Variants in KIF26B observed in about 807,000 individuals in gnomAD.
KIF26B encodes kinesin-like protein KIF26B.
KIF26B carries 63 observed loss-of-function variants against 151.2 expected under a neutral mutation model. That is an observed-to-expected ratio of 0.42 (90% confidence interval 0.34 to 0.51). The LOEUF is 0.51. KIF26B is among the 20% of genes least tolerant of loss of function. The pLI is 0.07. For synonymous variants in KIF26B, 1,357 were observed against 1,262.1 expected (o/e 1.08, Z -1.59); for missense variants, 2,813 against 2,913.6 (o/e 0.97, Z 0.79).
At chr1:245,571,001 G>T (rs2103122900) in intron 5 of KIF26B, among the ~76,000 whole-genome samples, 1 of 152,296 alleles carries the variant, frequency 6.6e-6, no homozygotes, top group African/African-American at 2.4e-5. Context: ...CAGCGAGAAT[G>T]ATAATAGTAT....
intron 4 of KIF26B, among the ~76,000 whole-genome samples, chr1:245,505,192 C>G (rs969366886): frequency 1.3e-5 from 2 of 151,728 alleles, no homozygotes; most frequent in African/African-American, 4.8e-5. Context: ...CCTGCCTTGG[C>G]CTCCAAAAGT....
In KIF26B at chr1:245,261,522, T is replaced by C. The variant is rs1413170747; in HGVS notation, c.465+104839T>C. On this transcript the variant is annotated intron_variant, in intron 2 of 14. Coordinates refer to ENST00000407071, the MANE Select transcript of KIF26B (RefSeq NM_018012.4). ...CTCTCTCCCTCCCTCCCTCCCTCCC[T>C]CTCTCTCCCTCTCTCCCCCTCTCTC... is the stretch of plus-strand genomic sequence containing the variant. Among the ~76,000 whole-genome samples, 6 of 126,292 alleles carry C rather than the reference T, an allele frequency of 4.8e-5. No individual in the cohort carries two copies. In the East Asian group the frequency reaches 1.1e-3, roughly 24 times the overall value. The allele number at this position is 126,292 out of a possible 152,430, so 82.9% of individuals were successfully genotyped here.
rs138414371 is a variant in KIF26B at position 245,244,544 on chromosome 1, G to A, written c.465+87861G>A. ...ATTGTACTTAGTCGAGTTCTAGAGG[G>A]AGCCAGGCCCAGAAAATGAGGGGGA... On this transcript the variant is annotated intron_variant, in intron 2 of 14. Transcript: ENST00000407071. This position sits in a 1 kb window ranked among gnomAD's most constrained non-coding sequence, Gnocchi z 4.2. Among the ~76,000 whole-genome samples the A allele has an allele frequency of 4.6e-3, 702 of 152,130 alleles. 5 individuals are homozygous for A. The highest frequency in any genetic ancestry group is 0.014 in the Middle Eastern group (4 of 294).
At chr1:245,223,632 C>T (rs1011630464) in intron 2 of KIF26B, among the ~76,000 whole-genome samples, 13 of 152,176 alleles carry the variant, frequency 8.5e-5, no homozygotes, top group Admixed American at 2.6e-4. Context: ...GGAATAACAA[C>T]AGATGCACGC....
chr1:245,430,646 G>A (rs768833560), intron 4 of KIF26B, among the ~76,000 whole-genome samples: 6 of 151,558 alleles, frequency 4.0e-5, no homozygotes, highest in African/African-American at 7.3e-5. Flanking sequence ...CAGCCTAGGC[G>A]ACAAGAGTGA....
chr1:245,189,589 T>C (rs1669060004), intron 2 of KIF26B, among the ~76,000 whole-genome samples: 1 of 152,188 alleles, frequency 6.6e-6, no homozygotes, highest in Non-Finnish European at 1.5e-5. Flanking sequence ...AGATGTCCGC[T>C]GAGAGTTTTC....
At chr1:245,322,398 A>G (rs1671907716) in intron 2 of KIF26B, among the ~76,000 whole-genome samples, 1 of 152,184 alleles carries the variant, frequency 6.6e-6, no homozygotes, top group African/African-American at 2.4e-5. Context: ...TAAATAAATA[A>G]ATAAAAATCA....
intron 3 of KIF26B, among the ~76,000 whole-genome samples, chr1:245,400,521 T>C (rs1673973650): frequency 6.9e-6 from 1 of 145,228 alleles, no homozygotes; most frequent in South Asian, 2.3e-4. Context: ...TTACCTTGGC[T>C]ACTTGAGGAT....
At chr1:245,676,813 A>G (rs2044362108) in intron 10 of KIF26B, among the ~76,000 whole-genome samples, 1 of 152,194 alleles carries the variant, frequency 6.6e-6, no homozygotes, top group African/African-American at 2.4e-5. Flanking sequence ...ATGAATGCTC[A>G]TCACACGTCT....
rs1205375851 is a variant in KIF26B at position 245,156,580 on chromosome 1, C to G, written c.362C>G (p.Pro121Arg). The change falls in exon 2 of 15, where the codon CCC becomes CGC. Residue 121 changes from proline to arginine, a missense_variant. Transcript: ENST00000407071. ...PGSGSGGGSS[P>R]GSDRGVWCEN... ...TCCGGCAGCGGCGGCGGCTCCTCCCCCGGCTCGGACCGCGGCGTCTGGTGC... is the reference window on the plus strand; with the variant it reads ...TCCGGCAGCGGCGGCGGCTCCTCCCGCGGCTCGGACCGCGGCGTCTGGTGC... 6.5e-7 allele frequency: 1 copy of G among 1,528,210 alleles called. No individual in the cohort carries two copies. The highest frequency in any genetic ancestry group is 1.4e-5 in the African/African-American group (1 of 71,410). The allele number at this position is 1,528,210 out of a possible 1,614,324, so 94.7% of individuals were successfully genotyped here.
At position 245,602,500 on chromosome 1, in the gene KIF26B, G is replaced by A. The variant is rs1209822652; in HGVS notation, c.1351-77G>A. On this transcript the variant is annotated intron_variant, in intron 5 of 14. Coordinates refer to ENST00000407071, the MANE Select transcript of KIF26B (RefSeq NM_018012.4). The surrounding 1 kb of genome is among the most constrained non-coding windows in gnomAD (Gnocchi z 4.5). ...CAGTGCTGCCATGTGCATGTATATCGCAGAGTATACAAGGGTGCTCCATCG... is the reference window on the plus strand; with the variant it reads ...CAGTGCTGCCATGTGCATGTATATCACAGAGTATACAAGGGTGCTCCATCG... The A allele has an allele frequency of 1.9e-5, 22 of 1,133,288 alleles. No individual in the cohort carries two copies. Among genetic ancestry groups the A allele is most frequent in the South Asian group, 2.6e-5 (2 of 75,612 alleles). 70.2% of individuals were successfully genotyped at this position (1,133,288 alleles called of 1,614,324 possible).
intron 2 of KIF26B, among the ~76,000 whole-genome samples, chr1:245,205,977 A>G (rs970378009): frequency 4.6e-5 from 7 of 151,848 alleles, no homozygotes; most frequent in East Asian, 3.9e-4. Context: ...GCCTCAAGCA[A>G]TCCTCCCACC....
chr1:245,404,020 G>T (rs931362935), intron 3 of KIF26B, among the ~76,000 whole-genome samples: 1 of 152,050 alleles, frequency 6.6e-6, no homozygotes, highest in African/African-American at 2.4e-5. Context: ...AGAAGCTGAC[G>T]GTTTTGTACC....
intron 2 of KIF26B, among the ~76,000 whole-genome samples, chr1:245,300,845 T>A (rs1185282466): frequency 6.7e-6 from 1 of 149,156 alleles, no homozygotes; most frequent in Non-Finnish European, 1.5e-5. Flanking sequence ...TTAATTTTTT[T>A]ATTGAAATGG....
chr1:245,677,603 GC>G (rs2044371961), intron 10 of KIF26B, among the ~76,000 whole-genome samples: 1 of 152,248 alleles, frequency 6.6e-6, no homozygotes, highest in Non-Finnish European at 1.5e-5. Flanking sequence ...AGTAATTCAT[GC>G]CCTAAGGCAT....
chr1:245,230,132 A>AAAAAC (rs10669398), intron 2 of KIF26B, among the ~76,000 whole-genome samples: 138,302 of 142,750 alleles, frequency 0.97, 67,032 homozygotes, highest in East Asian at 1. Flanking sequence ...GACTCCATCT[A>AAAAAC]AAAACAAAAC....
chr1:245,214,057 T>C (rs1449047155), intron 2 of KIF26B: 1 of 152,146 alleles, frequency 6.6e-6, no homozygotes, highest in East Asian at 1.9e-4. Context: ...GTTTATAATT[T>C]GGTGAAAACC....
intron 2 of KIF26B, chr1:245,234,330 C>G (rs182667845): frequency 6.6e-6 from 1 of 152,316 alleles, no homozygotes; most frequent in African/African-American, 2.4e-5. Context: ...GCCCCCCTGC[C>G]GGGCTGGGTG....
At chr1:245,391,139 A>G (rs1157142929) in intron 3 of KIF26B, among the ~76,000 whole-genome samples, 2 of 152,192 alleles carry the variant, frequency 1.3e-5, no homozygotes, top group Non-Finnish European at 2.9e-5. Context: ...CAGATAACTC[A>G]GTAAACCAGT....
Sources: allele counts gnomAD v4.1 joint callset (sites outside exome capture counted in the v4.1 genomes callset), GRCh38; gene constraint gnomAD v4.1.1; non-coding constraint Gnocchi (gnomAD v3.1); transcripts MANE v1.5; gene names NCBI Gene and HGNC (gene_info 2026-07-23, HGNC 2026-07-21).